Variants in COL23A1 observed in about 807,000 individuals in gnomAD.
COL23A1 encodes the protein collagen alpha-1(XXIII) chain.
Under a neutral mutation model 99.3 loss-of-function variants are expected in COL23A1, and 97 were observed. The observed-to-expected ratio is 0.98, with a 90% CI of 0.83 to 1.16. The LOEUF (loss-of-function observed/expected upper bound fraction) is 1.16. Among genes scored for constraint, COL23A1 ranks in the 50% most tolerant of loss-of-function variants. COL23A1 has a pLI of 0.00. For synonymous variants in COL23A1, 320 were observed against 308.2 expected, an observed-to-expected ratio of 1.04 and a Z score of -0.40; for missense variants, 762 against 757.4, an observed-to-expected ratio of 1.01 and a Z score of -0.07.
chr5:178,505,931 A>G (rs911557545), intron 2 of COL23A1, among the ~76,000 whole-genome samples: 4 of 152,090 alleles, frequency 2.6e-5, no homozygotes, highest in Admixed American at 2.0e-4. Context: ...GAGAAGACAC[A>G]AAGGGCCAGG....
At chr5:178,498,290 A>G (rs1758342204) in intron 2 of COL23A1, among the ~76,000 whole-genome samples, 1 of 144,234 alleles carries the variant, frequency 6.9e-6, no homozygotes, top group African/African-American at 2.5e-5. Context: ...ATAAAAATAA[A>G]AAATTAAAGA....
intron 2 of COL23A1, among the ~76,000 whole-genome samples, chr5:178,515,024 C>T (rs899763395): frequency 6.6e-6 from 1 of 152,374 alleles, no homozygotes; most frequent in East Asian, 1.9e-4. Context: ...CTCTTCGAAG[C>T]AAACTTTTCC....
intron 2 of COL23A1, among the ~76,000 whole-genome samples, chr5:178,385,101 T>C (rs1224125009): frequency 6.6e-6 from 1 of 152,182 alleles, no homozygotes; most frequent in Non-Finnish European, 1.5e-5. Flanking sequence ...GGAACAAGCA[T>C]TGGGGTGGGG....
chr5:178,314,871 T>C (rs1184819021), intron 2 of COL23A1, among the ~76,000 whole-genome samples: 1 of 152,156 alleles, frequency 6.6e-6, no homozygotes, highest in African/African-American at 2.4e-5. Flanking sequence ...TTGAGAGTCA[T>C]GTCCTTAAAC....
intron 1 of COL23A1, chr5:178,562,103 G>A (rs991769386): frequency 7.6e-6 from 4 of 529,420 alleles, no homozygotes; most frequent in East Asian, 4.9e-5. Flanking sequence ...AAGCCACAGC[G>A]TGGTGGCAGG....
At chr5:178,368,025 G>A (rs1762585182) in intron 2 of COL23A1, among the ~76,000 whole-genome samples, 1 of 152,238 alleles carries the variant, frequency 6.6e-6, no homozygotes, top group African/African-American at 2.4e-5. Flanking sequence ...GTGGCGCATG[G>A]AGGGGCAGGG....
At chr5:178,265,673 GT>G in intron 8 of COL23A1, 1 of 985,872 alleles carries the variant, frequency 1.0e-6, no homozygotes, top group Non-Finnish European at 1.2e-6. Context: ...TCCGGCGATT[GT>G]ACAGGTGATG....
At position 178,585,100 on chromosome 5, in the gene COL23A1, C is replaced by T. The variant is rs559049595; in HGVS notation, c.294+4804G>A. Among the ~76,000 whole-genome samples, 9 of 152,278 alleles carry T rather than the reference C, an allele frequency of 5.9e-5. No homozygotes were observed. The East Asian group carries it at 1.5e-3, about 26-fold the overall frequency. The stretch of plus-strand genomic sequence containing the variant: ...TGTGGCCGGCAGCACAGCTGGACAG[C>T]AGAGCCCCAGGGGAGGCAGAAATTT... On this transcript the variant is annotated intron_variant, in intron 1 of 28. Coordinates refer to ENST00000390654, the MANE Select transcript of COL23A1 (RefSeq NM_173465.4).
At chr5:178,256,701 C>T (rs987454747) in intron 14 of COL23A1, among the ~76,000 whole-genome samples, 165 bp downstream of exon 14, 16 of 152,234 alleles carry the variant, frequency 1.1e-4, no homozygotes, top group African/African-American at 3.1e-4. Flanking sequence ...GATTCACCAC[C>T]GCTGCCCCCA....
At chr5:178,286,139 G>A (rs2973768) in intron 5 of COL23A1, among the ~76,000 whole-genome samples, 85,699 of 152,096 alleles carry the variant, frequency 0.56, 27,062 homozygotes, top group Non-Finnish European at 0.73. Context: ...ACCTCAGGAA[G>A]AAGGCCATCA....
intron 2 of COL23A1, among the ~76,000 whole-genome samples, chr5:178,346,088 A>G (rs1760953583): frequency 6.6e-6 from 1 of 152,214 alleles, no homozygotes; most frequent in African/African-American, 2.4e-5. Context: ...CATGTTGTAT[A>G]TTACTGACCA....
Position 178,306,398 on chromosome 5 carries a change from G to A in COL23A1, c.406+477C>T, listed in dbSNP as rs1477296448. On this transcript the variant is annotated intron_variant, in intron 3 of 28. Transcript: ENST00000390654. This position sits in a 1 kb window ranked among gnomAD's most constrained non-coding sequence, Gnocchi z 4.1. ...TGAAGCAGAGACAGCAGGAAGGAAG[G>A]GTGGTGAATACAGGTGCCTCTGTGG... Among the ~76,000 whole-genome samples, 2 of 151,960 alleles carry A rather than the reference G, an allele frequency of 1.3e-5. No individual in the cohort carries two copies. The highest frequency in any genetic ancestry group is 2.9e-5 in the Non-Finnish European group (2 of 67,972).
chr5:178,466,371 T>A (rs1225049811), intron 2 of COL23A1, among the ~76,000 whole-genome samples: 1 of 152,174 alleles, frequency 6.6e-6, no homozygotes, highest in African/African-American at 2.4e-5. Flanking sequence ...AAAGTCAAGT[T>A]CTTTTTTCTT....
intron 20 of COL23A1, 125 bp from the exon 21 acceptor site, chr5:178,247,956 G>A (rs1764802775): frequency 2.3e-6 from 2 of 887,566 alleles, no homozygotes; most frequent in Non-Finnish European, 3.5e-6. Context: ...AGAGTCTGGT[G>A]AGCAGGTGGC....
chr5:178,251,531 G>T (rs939405462), intron 17 of COL23A1, among the ~76,000 whole-genome samples: 2 of 152,122 alleles, frequency 1.3e-5, no homozygotes, highest in Non-Finnish European at 2.9e-5. Context: ...ACTTATCAAG[G>T]TTTGTAGGAT....
chr5:178,517,186 C>A (rs1467437913), intron 2 of COL23A1, among the ~76,000 whole-genome samples: 2 of 152,230 alleles, frequency 1.3e-5, no homozygotes, highest in African/African-American at 2.4e-5. Flanking sequence ...CAGTCTTATT[C>A]CACTATTGTA....
At chr5:178,454,453 G>T (rs988627282) in intron 2 of COL23A1, among the ~76,000 whole-genome samples, 2 of 152,200 alleles carry the variant, frequency 1.3e-5, no homozygotes, top group African/African-American at 4.8e-5. Context: ...TCTCCAGTGA[G>T]GTGATGCCAG....
At chr5:178,360,327 C>T (rs1237593602) in intron 2 of COL23A1, among the ~76,000 whole-genome samples, 10 of 152,216 alleles carry the variant, frequency 6.6e-5, no homozygotes, top group Admixed American at 2.0e-4. Context: ...AAGGAAAGTA[C>T]GTTTCTTTAT....
At chr5:178,263,823 G>A (rs1209487618) in intron 8 of COL23A1, among the ~76,000 whole-genome samples, 1 of 152,174 alleles carries the variant, frequency 6.6e-6, no homozygotes, top group Non-Finnish European at 1.5e-5. Context: ...TTGGTAGGTG[G>A]AAGGTTAAGG....
Sources: gnomAD v4.1 joint callset for allele counts (sites outside exome capture counted in the v4.1 genomes callset) on GRCh38, gnomAD v4.1.1 for gene constraint, Gnocchi (gnomAD v3.1) non-coding constraint, MANE v1.5 for transcripts, NCBI Gene and HGNC (gene_info 2026-07-23, HGNC 2026-07-21) for gene names.